The following C8orf34 variants were observed in gnomAD, a reference collection of about 807,000 sequenced individuals.
The protein encoded by C8orf34 is uncharacterized protein C8orf34.
A neutral mutation model predicts 68.3 loss-of-function variants in C8orf34; 65 were observed. That is an observed-to-expected ratio of 0.95 (90% CI 0.78 to 1.17). The LOEUF (loss-of-function observed/expected upper bound fraction) is 1.17. C8orf34 is among the 50% of genes most tolerant of loss of function. C8orf34 has a pLI of 0.00. For synonymous variants in C8orf34, 244 were observed against 241.2 expected, an observed-to-expected ratio of 1.01 and a Z score of -0.11; for missense variants, 664 against 655.4, an observed-to-expected ratio of 1.01 and a Z score of -0.14.
At chr8:68,345,043 G>A (rs960123906) in intron 1 of C8orf34, among the ~76,000 whole-genome samples, 12 of 151,914 alleles carry the variant, frequency 7.9e-5, no homozygotes, top group Admixed American at 3.3e-4. Flanking sequence ...AAGAGAAATG[G>A]AAAACAAAAG....
At chr8:68,410,661 A>C (rs1047420127) in intron 1 of C8orf34, among the ~76,000 whole-genome samples, 1 of 152,126 alleles carries the variant, frequency 6.6e-6, no homozygotes, top group African/African-American at 2.4e-5. Context: ...ACTATAGTTC[A>C]GTCATAGGCA....
intron 7 of C8orf34, among the ~76,000 whole-genome samples, chr8:68,614,966 G>T: frequency 6.8e-6 from 1 of 147,052 alleles, no homozygotes; most frequent in Middle Eastern, 3.6e-3. Flanking sequence ...TTATTTCATT[G>T]AGCAGTGGTT....
chr8:68,748,653 C>T (rs1319726018), intron 10 of C8orf34, among the ~76,000 whole-genome samples: 2 of 152,054 alleles, frequency 1.3e-5, no homozygotes, highest in African/African-American at 2.4e-5. Context: ...CCATCACTGG[C>T]CATCAGAGAA....
intron 7 of C8orf34, among the ~76,000 whole-genome samples, chr8:68,563,754 T>C (rs1324489534): frequency 6.6e-6 from 1 of 152,110 alleles, no homozygotes. Context: ...AAAGTTTCTG[T>C]CCTCAAAATT....
At chr8:68,331,446 G>A in intron 1 of C8orf34, 107 bp downstream of exon 1, 10 of 1,267,330 alleles carry the variant, frequency 7.9e-6, no homozygotes, top group Non-Finnish European at 1.0e-5. Flanking sequence ...GAGGGCTAGA[G>A]AACCAACGCG....
chr8:68,786,652 G>A (rs1169965465), intron 11 of C8orf34, among the ~76,000 whole-genome samples: 1 of 152,148 alleles, frequency 6.6e-6, no homozygotes, highest in Non-Finnish European at 1.5e-5. Flanking sequence ...AGCTGGAGTG[G>A]TCAAGGTGGG....
At chr8:68,526,645 GGCCTTAGTGCAA>G (rs1384286852) in intron 6 of C8orf34, among the ~76,000 whole-genome samples, 1 of 148,442 alleles carries the variant, frequency 6.7e-6, no homozygotes, top group Admixed American at 6.8e-5. Flanking sequence ...CAACTTCCAA[GGCCTTAGTGCAA>G]AGGGCACCCT....
Position 68,389,989 on chromosome 8 carries a change from G to A in C8orf34, c.328-49510G>A, listed in dbSNP as rs113355601. Among the ~76,000 whole-genome samples, 20 of 152,250 alleles carry A rather than the reference G, an allele frequency of 1.3e-4. 1 individual carries two copies. Among genetic ancestry groups the A allele is most frequent in the Non-Finnish European group, 2.6e-4 (18 of 68,018 alleles). ...TGAGTAAGCATTTTGGTGAGCTGCA[G>A]TTACTCTTGAAGGGGTCACCACCAC... On this transcript the variant is annotated intron_variant, in intron 1 of 13. Coordinates refer to ENST00000518698, the MANE Select transcript of C8orf34 (RefSeq NM_052958.4).
At chr8:68,520,825 A>G (rs1490500170) in intron 5 of C8orf34, among the ~76,000 whole-genome samples, 1 of 152,188 alleles carries the variant, frequency 6.6e-6, no homozygotes, top group African/African-American at 2.4e-5. Flanking sequence ...ATCACTAAAC[A>G]TATTTAAGCA....
At chr8:68,602,011 G>A (rs2130498352) in intron 7 of C8orf34, among the ~76,000 whole-genome samples, 1 of 152,174 alleles carries the variant, frequency 6.6e-6, no homozygotes, top group East Asian at 1.9e-4. Context: ...CCACCATCAG[G>A]TCATCTCATT....
chr8:68,342,321 G>A (rs1423561843), intron 1 of C8orf34, among the ~76,000 whole-genome samples: 4 of 152,134 alleles, frequency 2.6e-5, no homozygotes, highest in Non-Finnish European at 5.9e-5. Flanking sequence ...GTCTATAGGA[G>A]GACATATTGA....
intron 9 of C8orf34, among the ~76,000 whole-genome samples, chr8:68,710,335 G>A (rs895255042): frequency 1.3e-5 from 2 of 152,134 alleles, no homozygotes; most frequent in East Asian, 1.9e-4. Context: ...CATGGTCTGG[G>A]GCAAGTTCTC....
chr8:68,475,523 A>G (rs1812572094), intron 4 of C8orf34, among the ~76,000 whole-genome samples: 1 of 152,172 alleles, frequency 6.6e-6, no homozygotes, highest in Non-Finnish European at 1.5e-5. Flanking sequence ...TCTTCACTTA[A>G]ACAAGCCTTC....
At chr8:68,615,515 G>T (rs1252863543) in intron 7 of C8orf34, among the ~76,000 whole-genome samples, 1 of 152,120 alleles carries the variant, frequency 6.6e-6, no homozygotes, top group East Asian at 1.9e-4. Flanking sequence ...GCTGAATTTT[G>T]TCAAAGGCCT....
chr8:68,672,395 G>A (rs911853363), intron 8 of C8orf34, among the ~76,000 whole-genome samples: 2 of 152,132 alleles, frequency 1.3e-5, no homozygotes. Flanking sequence ...AATTGCCAAG[G>A]CCACCCTACA....
chr8:68,527,474 A>G (rs1815056405), intron 6 of C8orf34, among the ~76,000 whole-genome samples: 1 of 152,192 alleles, frequency 6.6e-6, no homozygotes, highest in Non-Finnish European at 1.5e-5. Context: ...CGGGAGGCTG[A>G]GGCAGGAGAA....
At chr8:68,643,407 A>G (rs1019591504) in intron 8 of C8orf34, among the ~76,000 whole-genome samples, 8 of 152,214 alleles carry the variant, frequency 5.3e-5, no homozygotes, top group Non-Finnish European at 1.0e-4. Flanking sequence ...TGTCCACATA[A>G]TGCTTTGAAA....
chr8:68,817,786 C>G (rs549616502), intron 13 of C8orf34, among the ~76,000 whole-genome samples: 1 of 152,196 alleles, frequency 6.6e-6, no homozygotes, highest in South Asian at 2.1e-4. Context: ...AACTTACAAT[C>G]ATGGCAGAAG....
intron 7 of C8orf34, among the ~76,000 whole-genome samples, chr8:68,548,420 C>T (rs1433111436): frequency 6.6e-6 from 1 of 151,590 alleles, no homozygotes; most frequent in Non-Finnish European, 1.5e-5. Flanking sequence ...GGGAAATAAG[C>T]ACTTGAAGAA....
Sources: allele counts gnomAD v4.1 joint callset (sites outside exome capture counted in the v4.1 genomes callset), GRCh38; gene constraint gnomAD v4.1.1; transcripts MANE v1.5; gene names NCBI Gene and HGNC (gene_info 2026-07-23, HGNC 2026-07-21).